Variants in SPDYE3 observed in about 807,000 individuals in gnomAD.
SPDYE3 encodes the protein speedy protein E3.
Under a neutral mutation model 55.0 loss-of-function variants are expected in SPDYE3, and 15 were observed. The ratio of observed to expected loss-of-function variants is 0.27; its 90% confidence interval spans 0.18 to 0.42. SPDYE3 has a LOEUF of 0.42. SPDYE3 is among the 10% of genes least tolerant of loss of function. The pLI, the probability that SPDYE3 is intolerant of heterozygous loss-of-function variation, is 1.00. For missense variants in SPDYE3, 236 were observed against 576.7 expected (o/e 0.41, Z 6.05); for synonymous variants, 89 against 229.9 (o/e 0.39, Z 5.55).
rs530733508 is a variant in SPDYE3, at chr7:100,321,329, C to A, written c.*484C>A. The A allele has an allele frequency of 1.2e-4, 37 of 317,054 alleles. No individual in the cohort carries two copies. Among genetic ancestry groups the A allele is most frequent in the African/African-American group, 7.5e-4 (34 of 45,268 alleles). The allele number at this position is 317,054 out of a possible 1,614,324, so 19.6% of individuals were successfully genotyped here. A position where few individuals can be genotyped will look rare whatever the true frequency, so the allele number is the denominator to read the frequency against. On this transcript the variant is annotated 3_prime_UTR_variant, in exon 11 of 11. Coordinates refer to ENST00000332397, the MANE Select transcript of SPDYE3 (RefSeq NM_001004351.5). The stretch of plus-strand genomic sequence containing the variant: ...AACAGATAGCTTCATGCACACTATG[C>A]ATTTTATTGGTTTGTTTGGAAAATG...
Position 100,307,731 on chromosome 7 carries a change from CA to C in SPDYE3, c.-153del. On this transcript the variant is annotated 5_prime_UTR_variant, in exon 1 of 11. Transcript: ENST00000332397. ...GTCGGCGCCTGGCAGTTCAGGTGAACAACAGTAACTTCTCAGAGCTGTTCTC... is the reference window on the plus strand; with the variant it reads ...GTCGGCGCCTGGCAGTTCAGGTGAACACAGTAACTTCTCAGAGCTGTTCTC... The C allele has an allele frequency of 7.2e-7, 1 of 1,394,836 alleles. No homozygotes were observed. Among genetic ancestry groups the C allele is most frequent in the Non-Finnish European group, 9.4e-7 (1 of 1,059,416 alleles). The allele number at this position is 1,394,836 out of a possible 1,614,324, so 86.4% of individuals were successfully genotyped here. A position where few individuals can be genotyped will look rare whatever the true frequency, so the allele number is the denominator to read the frequency against.
At chr7:100,312,931 C>T (rs1282006474) in intron 4 of SPDYE3, among the ~76,000 whole-genome samples, 3 of 149,598 alleles carry the variant, frequency 2.0e-5, no homozygotes, top group East Asian at 3.9e-4. Context: ...AACGATATGT[C>T]GCAGTGTTCT....
chr7:100,319,239 G>A (rs1789515233), intron 8 of SPDYE3, among the ~76,000 whole-genome samples: 1 of 152,070 alleles, frequency 6.6e-6, no homozygotes, highest in African/African-American at 2.4e-5. Flanking sequence ...TAGAGACAAG[G>A]GTCTTGCTAT....
chr7:100,321,041 T>C lies in SPDYE3; in HGVS notation c.*196T>C. The C allele has an allele frequency of 3.5e-6, 4 of 1,131,618 alleles. No individual in the cohort carries two copies. The highest frequency in any genetic ancestry group is 4.9e-6 in the Non-Finnish European group (4 of 821,774). 70.1% of individuals were successfully genotyped at this position (1,131,618 alleles called of 1,614,324 possible). ...ACAGAGCTGAATACAGTGATCACGT[T>C]GTCCTCCAAGGAGCAGGGGTGGGGT... On this transcript the variant is annotated 3_prime_UTR_variant, in exon 11 of 11. Coordinates refer to ENST00000332397, the MANE Select transcript of SPDYE3 (RefSeq NM_001004351.5).
At chr7:100,319,325 G>A (rs563732486) in intron 8 of SPDYE3, among the ~76,000 whole-genome samples, 1 of 152,296 alleles carries the variant, frequency 6.6e-6, no homozygotes, top group South Asian at 2.1e-4. Flanking sequence ...TGGGATTCCA[G>A]GCCTAAGCCA....
chr7:100,309,905 G>C (rs1389622317), intron 2 of SPDYE3, among the ~76,000 whole-genome samples: 1 of 146,904 alleles, frequency 6.8e-6, no homozygotes, highest in Non-Finnish European at 1.5e-5. Flanking sequence ...GACCAGCCTG[G>C]CCAACATGGT....
At chr7:100,319,466 G>A (rs1789521070) in intron 8 of SPDYE3, 99 bp from the exon 9 acceptor site, 6 of 1,585,522 alleles carry the variant, frequency 3.8e-6, no homozygotes, top group Non-Finnish European at 5.1e-6. Flanking sequence ...CCAGTCCTGA[G>A]CTAGGGACGG....
chr7:100,316,522 A>G (rs1806109665), intron 7 of SPDYE3, among the ~76,000 whole-genome samples: 1 of 152,202 alleles, frequency 6.6e-6, no homozygotes, highest in African/African-American at 2.4e-5. Flanking sequence ...TGTTGGGCTC[A>G]TGTGATCCTC....
chr7:100,317,530 A>C (rs577748419), intron 8 of SPDYE3, among the ~76,000 whole-genome samples: 1 of 151,898 alleles, frequency 6.6e-6, no homozygotes, highest in African/African-American at 2.4e-5. Context: ...CCTTGAACCC[A>C]GGAGGTGGAG....
Position 100,319,948 on chromosome 7 carries a change from A to G in SPDYE3, c.1608A>G (p.Pro536=). The change falls in exon 10 of 11, where the codon CCA becomes CCG. Residue 536 remains proline (P), a synonymous_variant. Transcript: ENST00000332397. ...TTTTCCAGATCCAGGCTTATGACCCAGAGCACTGGGTGTGGGCGCGAGATC... is the reference window on the plus strand; with the variant it reads ...TTTTCCAGATCCAGGCTTATGACCCGGAGCACTGGGTGTGGGCGCGAGATC... ...EELEEIQAYD[P]EHWVWARDRA... The G allele has an allele frequency of 6.2e-7, 1 of 1,610,964 alleles. No homozygotes were observed. Among genetic ancestry groups the G allele is most frequent in the African/African-American group, 1.3e-5 (1 of 74,928 alleles).
At position 100,319,916 on chromosome 7, in the gene SPDYE3, C is replaced by T. The variant is rs1179069973; in HGVS notation, c.1591-15C>T. 1 of 1,610,384 alleles carries T rather than the reference C, an allele frequency of 6.2e-7. No homozygotes were observed. The highest frequency in any genetic ancestry group is 2.2e-5 in the East Asian group (1 of 44,636). On this transcript the variant is annotated splice_polypyrimidine_tract_variant and intron_variant, in intron 9 of 10. Coordinates refer to ENST00000332397, the MANE Select transcript of SPDYE3 (RefSeq NM_001004351.5). ...GGGGAGTCCCCGTCTTCTCAAAGCGCATTTGTTTTTCCAGATCCAGGCTTA... is the reference window on the plus strand; with the variant it reads ...GGGGAGTCCCCGTCTTCTCAAAGCGTATTTGTTTTTCCAGATCCAGGCTTA...
rs751713672 is a variant in SPDYE3, at chr7:100,320,027, T to C, written c.*37T>C. On this transcript the variant is annotated 3_prime_UTR_variant, in exon 10 of 11. Coordinates refer to ENST00000332397, the MANE Select transcript of SPDYE3 (RefSeq NM_001004351.5). ...CCGTGGAGGCCTGAGGTCATCGGCC[T>C]GAGAGAAGGTACATCTGCATCCTCC... 6 of 1,604,902 alleles carry C rather than the reference T, an allele frequency of 3.7e-6. No homozygotes were observed. Among genetic ancestry groups the C allele is most frequent in the Non-Finnish European group, 5.1e-6 (6 of 1,179,568 alleles).
intron 6 of SPDYE3, 87 bp from the exon 7 acceptor site, chr7:100,315,698 C>G (rs1399322215): frequency 1.9e-6 from 3 of 1,589,680 alleles, no homozygotes; most frequent in Non-Finnish European, 2.6e-6. Context: ...GACTTTCCCC[C>G]GGGAGGCACA....
intron 8 of SPDYE3, among the ~76,000 whole-genome samples, chr7:100,318,924 T>TTATTTATTTATC (rs1476529574): frequency 2.0e-5 from 3 of 148,048 alleles, no homozygotes; most frequent in Admixed American, 6.8e-5. Flanking sequence ...ATTTATTTAT[T>TTATTTATTTATC]TATCAAGACA....
chr7:100,316,923 G>C, intron 7 of SPDYE3, 147 bp from the exon 8 acceptor site: 2 of 1,076,750 alleles, frequency 1.9e-6, no homozygotes, highest in Admixed American at 1.8e-5. Flanking sequence ...CCTCCACCCC[G>C]CAATTTCCAC....
intron 8 of SPDYE3, among the ~76,000 whole-genome samples, 174 bp downstream of exon 8, chr7:100,317,329 G>A (rs544871949): frequency 3.2e-4 from 49 of 152,288 alleles, no homozygotes; most frequent in African/African-American, 1.0e-3. Context: ...ACTCAGGCTG[G>A]GCATGGTGGC....
At chr7:100,317,417 C>A (rs956148204) in intron 8 of SPDYE3, among the ~76,000 whole-genome samples, 3 of 151,828 alleles carry the variant, frequency 2.0e-5, no homozygotes, top group Admixed American at 6.6e-5. Context: ...ACCAGCCTGG[C>A]CAACATGGCA....
Position 100,317,117 on chromosome 7 carries a change from C to T in SPDYE3, c.1308C>T (p.Pro436=), listed in dbSNP as rs1375195764. The T allele has an allele frequency of 1.2e-6, 2 of 1,611,872 alleles. No homozygotes were observed. The highest frequency in any genetic ancestry group is 2.7e-5 in the African/African-American group (2 of 74,980). Residue 436 remains proline (P), a synonymous_variant, in exon 8 of 11, where the codon CCC becomes CCT. Coordinates refer to ENST00000332397, the MANE Select transcript of SPDYE3 (RefSeq NM_001004351.5). Reference sequence around the variant, plus strand: ...CGTATTTCAGCCGGGCCGGCCTCCCCTCCTGGCAATACCAACGCATTCATT... The same window carrying T: ...CGTATTTCAGCCGGGCCGGCCTCCCTTCCTGGCAATACCAACGCATTCATT... ...VIAYFSRAGL[P]SWQYQRIHFF... is the part of the protein sequence containing the mutation.
At position 100,319,677 on chromosome 7, in the gene SPDYE3, C is replaced by T; in HGVS notation, c.1459C>T (p.Gln487Ter). ...HIPLRPKHWF[Q>*]LCRPMNPRAR... ...ACCCTTGCGCCCTAAGCATTGGTTC[C>T]AGTTATGCCGTCCCATGAACCCGAG... Residue 487 changes from glutamine to a stop codon, truncating the protein, a stop_gained, in exon 9 of 11, where the codon CAG (glutamine) becomes TAG (stop). Transcript: ENST00000332397. LOFTEE classifies it high-confidence loss of function. 2 of 1,614,236 alleles carry T rather than the reference C, an allele frequency of 1.2e-6. No individual in the cohort carries two copies. The highest frequency in any genetic ancestry group is 1.1e-5 in the South Asian group (1 of 91,088).
Sources: allele counts gnomAD v4.1 joint callset (sites outside exome capture counted in the v4.1 genomes callset), GRCh38; gene constraint gnomAD v4.1.1; transcripts MANE v1.5; gene names NCBI Gene and HGNC (gene_info 2026-07-23, HGNC 2026-07-21).